L3MBTL4: variants seen among roughly 807,000 people sequenced by gnomAD.
The protein encoded by L3MBTL4 is L3MBTL histone methyl-lysine binding protein 4.
L3MBTL4 carries 70 observed loss-of-function variants against 84.5 expected under a neutral mutation model. The ratio of observed to expected loss-of-function variants is 0.83; its 90% CI spans 0.68 to 1.01. L3MBTL4 has a LOEUF of 1.01. Ranked by LOEUF, L3MBTL4 falls within the 50% of genes least tolerant of loss-of-function variation. L3MBTL4 has a pLI of 0.00. For synonymous variants in L3MBTL4, 274 were observed against 259.8 expected, an observed-to-expected ratio of 1.05 and a Z score of -0.52; for missense variants, 715 against 754.8, an observed-to-expected ratio of 0.95 and a Z score of 0.62.
chr18:6,369,467 C>T (rs2054069715), intron 1 of L3MBTL4, among the ~76,000 whole-genome samples: 1 of 152,088 alleles, frequency 6.6e-6, no homozygotes, highest in Non-Finnish European at 1.5e-5. Context: ...GTCAATGGTG[C>T]TAAGGCTGAG....
At chr18:6,251,166 C>T (rs1243981513) in intron 5 of L3MBTL4, among the ~76,000 whole-genome samples, 1 of 152,186 alleles carries the variant, frequency 6.6e-6, no homozygotes, top group Non-Finnish European at 1.5e-5. Flanking sequence ...TAGGAAGGCC[C>T]TTGCAGGCTT....
chr18:6,074,407 A>C (rs2057790711), intron 16 of L3MBTL4, among the ~76,000 whole-genome samples: 1 of 152,226 alleles, frequency 6.6e-6, no homozygotes, highest in Non-Finnish European at 1.5e-5. Flanking sequence ...AGCAGGCTAC[A>C]CAACTATATA....
chr18:6,333,507 G>A (rs192875438), intron 1 of L3MBTL4, among the ~76,000 whole-genome samples: 202 of 151,862 alleles, frequency 1.3e-3, no homozygotes, highest in African/African-American at 4.6e-3. Context: ...CCTGGGAGGC[G>A]GAGGTTGCAG....
In L3MBTL4 at chr18:5,960,175, A is replaced by G. The variant is rs368608187; in HGVS notation, c.1615-19T>C. 5.9e-6 allele frequency: 9 copies of G among 1,537,330 alleles called. No homozygotes were observed. Among genetic ancestry groups the G allele is most frequent in the Admixed American group, 1.8e-5 (1 of 56,370 alleles). On this transcript the variant is annotated intron_variant, in intron 17 of 18. Transcript: ENST00000317931. ...CAGCCACCTACAGTGCGAGATGAAA[A>G]GCCTAATTTAATACATGCACCTGAA... is the stretch of plus-strand genomic sequence containing the variant.
In L3MBTL4 at chr18:6,224,087, C is replaced by T. The variant is rs185136956; in HGVS notation, c.785-8252G>A. On this transcript the variant is annotated intron_variant, in intron 10 of 18. Transcript: ENST00000317931. The stretch of plus-strand genomic sequence containing the variant: ...AAAACTCTGCAATTATAAAATAGTA[C>T]GAATATAATGTTATTTATGCAAAAA... 3.3e-4 allele frequency among the ~76,000 whole-genome samples: 50 copies of T among 151,342 alleles called. No individual in the cohort carries two copies. The East Asian group carries it at 7.8e-3, about 23-fold the overall frequency.
chr18:6,413,613 C>T (rs2056061381), intron 1 of L3MBTL4, among the ~76,000 whole-genome samples: 1 of 152,164 alleles, frequency 6.6e-6, no homozygotes, highest in African/African-American at 2.4e-5. Context: ...TTATTTCAGC[C>T]AAGGACTGAA....
intron 4 of L3MBTL4, among the ~76,000 whole-genome samples, chr18:6,285,483 A>AGTGTGTGT (rs146666645): frequency 6.6e-6 from 1 of 151,012 alleles, no homozygotes; most frequent in African/African-American, 2.4e-5. Context: ...AGTGCTATAA[A>AGTGTGTGT]GTGTGTGTGT....
intron 12 of L3MBTL4, among the ~76,000 whole-genome samples, chr18:6,199,692 G>T (rs2045567826): frequency 6.6e-6 from 1 of 152,208 alleles, no homozygotes. Context: ...TGAAGGGTAA[G>T]GGAGAAAGAT....
At chr18:6,295,344 C>CTATATATATA (rs1491551062) in intron 4 of L3MBTL4, among the ~76,000 whole-genome samples, 32 of 105,360 alleles carry the variant, frequency 3.0e-4, no homozygotes, top group Admixed American at 1.7e-3. Context: ...CTCTCTCTCT[C>CTATATATATA]TCTATATATA....
chr18:6,246,845 G>A (rs1317116425), intron 5 of L3MBTL4, among the ~76,000 whole-genome samples: 2 of 151,918 alleles, frequency 1.3e-5, no homozygotes, highest in Admixed American at 6.6e-5. Context: ...CGGAGGTTGC[G>A]GTGAGCCAAG....
intron 4 of L3MBTL4, among the ~76,000 whole-genome samples, chr18:6,301,013 A>T (rs2050315746): frequency 6.6e-6 from 1 of 152,238 alleles, no homozygotes; most frequent in Non-Finnish European, 1.5e-5. Context: ...TGTTTAAAAT[A>T]AAAAAACATA....
chr18:6,167,693 T>C (rs1252831987), intron 13 of L3MBTL4, among the ~76,000 whole-genome samples: 1 of 152,142 alleles, frequency 6.6e-6, no homozygotes, highest in East Asian at 1.9e-4. Flanking sequence ...TAATAAGAGC[T>C]ATCTATGACA....
intron 16 of L3MBTL4, among the ~76,000 whole-genome samples, chr18:6,070,850 T>A (rs1419010821): frequency 6.6e-6 from 1 of 151,354 alleles, no homozygotes; most frequent in African/African-American, 2.4e-5. Flanking sequence ...AAAATAATAA[T>A]AACTAGAAGA....
At chr18:6,150,651 G>T (rs2042854226) in intron 13 of L3MBTL4, among the ~76,000 whole-genome samples, 1 of 152,082 alleles carries the variant, frequency 6.6e-6, no homozygotes, top group Non-Finnish European at 1.5e-5. Context: ...GGAGCAAATT[G>T]CCTTCCCTCC....
chr18:6,337,349 C>T (rs1383284272), intron 1 of L3MBTL4, among the ~76,000 whole-genome samples: 3 of 151,984 alleles, frequency 2.0e-5, no homozygotes, highest in African/African-American at 7.2e-5. Flanking sequence ...TCACAGTGTA[C>T]TTATAATAAC....
chr18:6,080,754 T>C, intron 16 of L3MBTL4, 127 bp downstream of exon 16: 1 of 649,828 alleles, frequency 1.5e-6, no homozygotes, highest in Non-Finnish European at 2.6e-6. Context: ...CACAAGTCTC[T>C]TTTGACTTCT....
chr18:6,409,956 T>G (rs993502103), intron 1 of L3MBTL4, among the ~76,000 whole-genome samples: 1 of 152,094 alleles, frequency 6.6e-6, no homozygotes, highest in African/African-American at 2.4e-5. Flanking sequence ...CCATCAGCAA[T>G]TATATAAATT....
chr18:6,374,388 A>C (rs115096233), intron 1 of L3MBTL4: 113 of 154,908 alleles, frequency 7.3e-4, no homozygotes, highest in Middle Eastern at 2.6e-3. Flanking sequence ...TTATCAAGAG[A>C]GCTACAAAAT....
intron 4 of L3MBTL4, among the ~76,000 whole-genome samples, chr18:6,285,801 T>A (rs1039458635): frequency 6.8e-6 from 1 of 146,266 alleles, no homozygotes; most frequent in East Asian, 2.0e-4. Flanking sequence ...TGAACTTTTT[T>A]AAAAGATATA....
Sources: allele counts gnomAD v4.1 joint callset (sites outside exome capture counted in the v4.1 genomes callset), GRCh38; gene constraint gnomAD v4.1.1; transcripts MANE v1.5; gene names NCBI Gene and HGNC (gene_info 2026-07-23, HGNC 2026-07-21).